The following NCAPD2 variants were observed in gnomAD, a reference collection of about 807,000 sequenced individuals.
NCAPD2 encodes condensin complex subunit 1.
In NCAPD2, 100 loss-of-function variants were observed where a neutral mutation model predicts 164.5. The observed-to-expected ratio is 0.61, with a 90% CI of 0.52 to 0.72. The LOEUF is 0.72. NCAPD2 is among the 30% of genes least tolerant of loss of function. The pLI is 0.00. For synonymous variants in NCAPD2, 585 were observed against 642.6 expected (o/e 0.91, Z 1.36); for missense variants, 1,560 against 1,749.2 (o/e 0.89, Z 1.93).
chr12:6,521,252 G>A (rs1000795760), intron 14 of NCAPD2, 142 bp downstream of exon 14: 3 of 1,037,578 alleles, frequency 2.9e-6, no homozygotes, highest in African/African-American at 1.6e-5. Flanking sequence ...TTTTGCTCTG[G>A]AATGGAAGCA....
chr12:6,510,279 C>G (rs1177238284), intron 4 of NCAPD2, 146 bp downstream of exon 4: 1 of 930,506 alleles, frequency 1.1e-6, no homozygotes, highest in South Asian at 1.3e-5. Context: ...GCCCAGGGAC[C>G]TTTGGCCTGT....
intron 29 of NCAPD2, 144 bp downstream of exon 29, chr12:6,530,102 C>A: frequency 1.3e-6 from 1 of 779,440 alleles, no homozygotes; most frequent in Non-Finnish European, 2.0e-6. Flanking sequence ...CCAGAGTGAC[C>A]TAAGACCAGA....
rs201628053 is a variant in NCAPD2 at position 6,517,042 on chromosome 12, T to A, written c.1185+17T>A. On this transcript the variant is annotated intron_variant, in intron 10 of 31. Transcript: ENST00000315579. ...CAGCAGAAGGTAACCAACTTCTATG[T>A]GGCAAAAACATATGGTACCTCTCCA... 2.2e-5 allele frequency: 35 copies of A among 1,612,930 alleles called. 1 individual carries two copies. In the East Asian group the frequency reaches 6.9e-4, roughly 32 times the overall value.
In NCAPD2 at chr12:6,530,902, G is replaced by A. The variant is rs746546116; in HGVS notation, c.3965-19G>A. 1.1e-4 allele frequency: 185 copies of A among 1,612,858 alleles called. No individual in the cohort carries two copies. The highest frequency in any genetic ancestry group is 1.5e-4 in the Non-Finnish European group (177 of 1,179,530). The stretch of plus-strand genomic sequence containing the variant: ...TGTTTCTTCTTCTTTTTTAAATCAC[G>A]TTTTCCTGCCTTTTCTAGGTTCTAG... On this transcript the variant is annotated intron_variant, in intron 30 of 31. Transcript: ENST00000315579.
At chr12:6,520,605 T>C (rs534945848) in intron 13 of NCAPD2, among the ~76,000 whole-genome samples, 1 of 152,350 alleles carries the variant, frequency 6.6e-6, no homozygotes, top group African/African-American at 2.4e-5. Context: ...AGAATCTTAT[T>C]GTCTGGATGT....
At chr12:6,502,585 T>C (rs764569114) in intron 2 of NCAPD2, among the ~76,000 whole-genome samples, 1 of 152,038 alleles carries the variant, frequency 6.6e-6, no homozygotes, top group Non-Finnish European at 1.5e-5. Context: ...GAGTATGTGT[T>C]GTTGTTGTTG....
In NCAPD2 at chr12:6,525,605, A is replaced by T. The variant is rs763842161; in HGVS notation, c.2237A>T (p.Asp746Val). 6.2e-7 allele frequency: 1 copy of T among 1,612,064 alleles called. No homozygotes were observed. The highest frequency in any genetic ancestry group is 1.3e-5 in the African/African-American group (1 of 74,734). Residue 746 changes from aspartate to valine, a missense_variant, in exon 18 of 32, where the codon GAT becomes GTT. Physicochemically the swap from Asp to Val is radical, Grantham distance 152. Transcript: ENST00000315579. Reference sequence around the variant, plus strand: ...TAGCTCTGTGAGTTTGTGCAGAAGGATGAGTTGAAACCAGCAGTGACCCAG... The same window carrying T: ...TAGCTCTGTGAGTTTGTGCAGAAGGTTGAGTTGAAACCAGCAGTGACCCAG... ...EEILCEFVQK[D>V]ELKPAVTQLL...
At chr12:6,508,212 C>T (rs1592168083) in intron 2 of NCAPD2, among the ~76,000 whole-genome samples, 2 of 152,066 alleles carry the variant, frequency 1.3e-5, no homozygotes, top group Non-Finnish European at 1.5e-5. Context: ...GTCCTAGCTA[C>T]GTGGGAGGCT....
intron 17 of NCAPD2, 50 bp downstream of exon 17, chr12:6,523,396 TTG>T (rs752549025): frequency 5.9e-6 from 8 of 1,355,136 alleles, no homozygotes; most frequent in South Asian, 2.5e-5. Flanking sequence ...AGTATTTTGG[TTG>T]TTTTTTTTTT....
chr12:6,509,604 C>G, intron 2 of NCAPD2, 113 bp from the exon 3 acceptor site: 2 of 1,013,956 alleles, frequency 2.0e-6, no homozygotes, highest in Non-Finnish European at 3.1e-6. Flanking sequence ...CTGTTTGTCT[C>G]TTTTTTGTGA....
At chr12:6,517,060 C>A in intron 10 of NCAPD2, 35 bp downstream of exon 10, 1 of 1,589,924 alleles carries the variant, frequency 6.3e-7, no homozygotes, top group South Asian at 1.1e-5. Context: ...ACATATGGTA[C>A]CTCTCCATAT....
chr12:6,511,613 G>A (rs10437831), intron 6 of NCAPD2, among the ~76,000 whole-genome samples: 105,202 of 151,860 alleles, frequency 0.69, 36,540 homozygotes, highest in Admixed American at 0.72. Context: ...ACAGGTGTGA[G>A]CCACCACGCC....
intron 2 of NCAPD2, among the ~76,000 whole-genome samples, chr12:6,501,388 G>GTGTT (rs1315056295): frequency 1.3e-5 from 2 of 151,892 alleles, no homozygotes; most frequent in African/African-American, 4.8e-5. Context: ...CGGTTTTGCC[G>GTGTT]TGTTGTCCAG....
chr12:6,500,468 G>A (rs921191742), intron 2 of NCAPD2, among the ~76,000 whole-genome samples: 4 of 152,184 alleles, frequency 2.6e-5, no homozygotes, highest in Non-Finnish European at 4.4e-5. Flanking sequence ...TGCCAATAGA[G>A]TTGGAGTGCA....
Position 6,530,770 on chromosome 12 carries a change from G to C in NCAPD2, c.3917G>C (p.Gly1306Ala), listed in dbSNP as rs185696673. ...GATGGAATCAAGGAGCTTGAGATTG[G>C]CCAAGCAGGTAGCCAGAGAGCGCCA... The part of the protein sequence containing the change: ...GLDGIKELEI[G>A]QAGSQRAPSA... Residue 1306 changes from glycine (G) to alanine (A), a missense_variant, in exon 30 of 32, where the codon GGC (glycine) becomes GCC (alanine). By Grantham distance (60) the Gly-to-Ala change is moderately conservative. Coordinates refer to ENST00000315579, the MANE Select transcript of NCAPD2 (RefSeq NM_014865.4). 171 of 1,614,210 alleles carry C rather than the reference G, an allele frequency of 1.1e-4. 1 individual carries two copies. The highest frequency in any genetic ancestry group is 1.6e-4 in the Middle Eastern group (1 of 6,062).
At chr12:6,509,890 A>T (rs1946130092) in intron 3 of NCAPD2, 98 bp downstream of exon 3, 3 of 1,340,852 alleles carry the variant, frequency 2.2e-6, no homozygotes, top group Admixed American at 1.9e-5. Flanking sequence ...AGGTTCACTG[A>T]TAAATGCCTC....
intron 15 of NCAPD2, 104 bp from the exon 16 acceptor site, chr12:6,522,724 G>C: frequency 1.6e-6 from 2 of 1,284,514 alleles, no homozygotes; most frequent in Non-Finnish European, 1.1e-6. Flanking sequence ...GGGAAAATGC[G>C]GAAGGCCTCC....
chr12:6,512,486 G>A (rs1031784975), intron 6 of NCAPD2, among the ~76,000 whole-genome samples: 3 of 152,186 alleles, frequency 2.0e-5, no homozygotes, highest in Non-Finnish European at 2.9e-5. Flanking sequence ...TGTCCAGCAC[G>A]TACGAGCAAT....
In NCAPD2 at chr12:6,510,118, C is replaced by A. The variant is rs714774; in HGVS notation, c.247C>A (p.Gln83Lys). The change falls in exon 4 of 32, where the codon CAA (glutamine) becomes AAA (lysine). Residue 83 changes from glutamine to lysine, a missense_variant. By Grantham distance (53) the Gln-to-Lys change is moderately conservative. Coordinates refer to ENST00000315579, the MANE Select transcript of NCAPD2 (RefSeq NM_014865.4). ...TCCTGGCCTCAAAGAAGATACTCTG[C>A]AATTCCTGATAAAAGGTGTTTATGG... ...IDPGLKEDTLQFLIKVVSRHS... is the reference protein window; with the variant it reads ...IDPGLKEDTLKFLIKVVSRHS... The A allele has an allele frequency of 6.2e-7, 1 of 1,611,028 alleles. No individual in the cohort carries two copies. The highest frequency in any genetic ancestry group is 8.5e-7 in the Non-Finnish European group (1 of 1,177,218).
Sources: gnomAD v4.1 joint callset for allele counts (sites outside exome capture counted in the v4.1 genomes callset) on GRCh38, gnomAD v4.1.1 for gene constraint, MANE v1.5 for transcripts, NCBI Gene and HGNC (gene_info 2026-07-23, HGNC 2026-07-21) for gene names.